SP140L: variants seen among roughly 807,000 people sequenced by gnomAD.
The protein encoded by SP140L is SP140 like nuclear body protein, also known as nuclear body protein SP140-like protein.
SP140L carries 64 observed loss-of-function variants against 84.3 expected under a neutral mutation model. The observed-to-expected ratio is 0.76, with a 90% CI of 0.62 to 0.94. SP140L has a LOEUF of 0.94. Among genes scored for constraint, SP140L ranks in the 40% least tolerant of loss-of-function variants. The pLI is 0.00. For synonymous variants in SP140L, 242 were observed against 236.9 expected, an observed-to-expected ratio of 1.02 and a Z score of -0.20; for missense variants, 628 against 692.5, an observed-to-expected ratio of 0.91 and a Z score of 1.05.
chr2:230,357,992 T>A, intron 3 of SP140L, 25 bp downstream of exon 3: 1 of 1,609,890 alleles, frequency 6.2e-7, no homozygotes. Flanking sequence ...TTTCACAACC[T>A]GGCAGATATG....
At chr2:230,398,854 GGA>G (rs2062179810) in intron 14 of SP140L, among the ~76,000 whole-genome samples, 1 of 152,216 alleles carries the variant, frequency 6.6e-6, no homozygotes, top group South Asian at 2.1e-4. Context: ...GCTTCCAGAG[GGA>G]GAGTGTGATT....
At chr2:230,382,127 T>G (rs2061428262) in intron 7 of SP140L, among the ~76,000 whole-genome samples, 1 of 152,016 alleles carries the variant, frequency 6.6e-6, no homozygotes, top group Non-Finnish European at 1.5e-5. Context: ...GTCCAATCTA[T>G]CCTCTTTGTC....
Position 230,370,905 on chromosome 2 carries a change from C to T in SP140L, c.524-3C>T. 6.2e-7 allele frequency: 1 copy of T among 1,613,238 alleles called. No individual in the cohort carries two copies. The highest frequency in any genetic ancestry group is 8.5e-7 in the Non-Finnish European group (1 of 1,179,528). ...AAGTGTTCCTATGTCATGTGTTTCT[C>T]AGGAGAAGTGCCAGAAAGCCCGGAA... On this transcript the variant is annotated splice_region_variant and splice_polypyrimidine_tract_variant and intron_variant, in intron 5 of 18. Coordinates refer to ENST00000415673, the MANE Select transcript of SP140L (RefSeq NM_138402.6).
At chr2:230,355,212 G>A (rs1222793719) in intron 2 of SP140L, among the ~76,000 whole-genome samples, 1 of 152,026 alleles carries the variant, frequency 6.6e-6, no homozygotes, top group Non-Finnish European at 1.5e-5. Context: ...AAATATAAAG[G>A]AAATCTATAA....
intron 5 of SP140L, among the ~76,000 whole-genome samples, chr2:230,364,151 T>C (rs2060801351): frequency 6.6e-6 from 1 of 152,184 alleles, no homozygotes. Flanking sequence ...TTGGGGTCTC[T>C]TGTGCTTTTA....
intron 7 of SP140L, among the ~76,000 whole-genome samples, chr2:230,377,657 G>T (rs1213387055): frequency 6.6e-6 from 1 of 152,094 alleles, no homozygotes; most frequent in African/African-American, 2.4e-5. Flanking sequence ...TGAATGCCCA[G>T]GAGTGGTGCT....
At chr2:230,378,378 A>G (rs1009281615) in intron 7 of SP140L, among the ~76,000 whole-genome samples, 1 of 152,252 alleles carries the variant, frequency 6.6e-6, no homozygotes, top group Admixed American at 6.5e-5. Context: ...CTCCAGCCAC[A>G]ATGTCCATGT....
chr2:230,369,989 G>A (rs545097249), intron 5 of SP140L, among the ~76,000 whole-genome samples: 33 of 148,042 alleles, frequency 2.2e-4, no homozygotes, highest in Non-Finnish European at 4.1e-4. Flanking sequence ...GGCCAGGCTG[G>A]TCTTGAATTC....
In SP140L at chr2:230,383,596, A is replaced by G. The variant is rs750567118; in HGVS notation, c.703+21A>G. ...AAATGGTAAGCAGGCAAAGTGAAGTAGTTACAGCTTTTGAGTTTATTAAGG... is the reference window on the plus strand; with the variant it reads ...AAATGGTAAGCAGGCAAAGTGAAGTGGTTACAGCTTTTGAGTTTATTAAGG... On this transcript the variant is annotated intron_variant, in intron 8 of 18. Transcript: ENST00000415673. 8.8e-5 allele frequency: 140 copies of G among 1,591,372 alleles called. 2 individuals carry two copies. The highest frequency in any genetic ancestry group is 2.1e-4 in the Admixed American group (12 of 57,010).
chr2:230,359,981 C>CTAAAGTTTGGTATTGGTGCTATACCAAAA, intron 4 of SP140L, among the ~76,000 whole-genome samples: 1 of 147,546 alleles, frequency 6.8e-6, no homozygotes, highest in African/African-American at 2.6e-5. Flanking sequence ...CTATACCAAA[C>CTAAAGTTTGGTATTGGTGCTATACCAAAA]TAAAGTTTTG....
At chr2:230,366,803 G>A (rs1019421540) in intron 5 of SP140L, among the ~76,000 whole-genome samples, 1 of 151,054 alleles carries the variant, frequency 6.6e-6, no homozygotes, top group African/African-American at 2.4e-5. Context: ...GCATGATCTT[G>A]GCTCACTGCA....
intron 2 of SP140L, among the ~76,000 whole-genome samples, chr2:230,343,973 GGTGA>G (rs2060137912): frequency 6.6e-6 from 1 of 152,174 alleles, no homozygotes; most frequent in African/African-American, 2.4e-5. Context: ...AGTGCTGTGT[GGTGA>G]TGGGAAGAAT....
intron 11 of SP140L, among the ~76,000 whole-genome samples, chr2:230,390,279 G>C (rs951266177): frequency 2.0e-5 from 3 of 152,222 alleles, no homozygotes; most frequent in Non-Finnish European, 4.4e-5. Flanking sequence ...TTCACAGATG[G>C]AAAATGTCAG....
intron 2 of SP140L, among the ~76,000 whole-genome samples, chr2:230,352,932 A>T (rs1026564295): frequency 6.6e-6 from 1 of 151,970 alleles, no homozygotes; most frequent in African/African-American, 2.4e-5. Flanking sequence ...TGACTTCACC[A>T]TTCATGTTTA....
Position 230,391,957 on chromosome 2 carries a change from G to A in SP140L, c.965-130G>A, listed in dbSNP as rs1162911132. 8 of 1,317,282 alleles carry A rather than the reference G, an allele frequency of 6.1e-6. No homozygotes were observed. The Admixed American group carries it at 6.5e-5, about 11-fold the overall frequency. 81.6% of individuals were successfully genotyped at this position (1,317,282 alleles called of 1,614,324 possible). On this transcript the variant is annotated intron_variant, in intron 11 of 18. Transcript: ENST00000415673. ...ATTTGGGGCCTCTGAAGTCTGAGAG[G>A]GAAGGCCAGACCCTCCTGCTATTGA...
chr2:230,349,096 G>A (rs2060291080), intron 2 of SP140L, among the ~76,000 whole-genome samples: 2 of 152,168 alleles, frequency 1.3e-5, no homozygotes, highest in South Asian at 2.1e-4. Flanking sequence ...ATTTTTGTGT[G>A]TATCTATGCA....
intron 13 of SP140L, among the ~76,000 whole-genome samples, 185 bp from the exon 14 acceptor site, chr2:230,396,572 A>G (rs1395886953): frequency 2.6e-5 from 4 of 152,226 alleles, no homozygotes; most frequent in Non-Finnish European, 4.4e-5. Flanking sequence ...ATCAGGTTTC[A>G]GTTTGCTTAC....
At chr2:230,392,863 T>C (rs1169370421) in intron 12 of SP140L, among the ~76,000 whole-genome samples, 1 of 152,194 alleles carries the variant, frequency 6.6e-6, no homozygotes, top group African/African-American at 2.4e-5. Flanking sequence ...TTAGCTCAAA[T>C]GTTACCCTCT....
intron 11 of SP140L, 149 bp downstream of exon 11, chr2:230,390,172 T>C (rs1356446815): frequency 1.4e-6 from 1 of 693,450 alleles, no homozygotes; most frequent in African/African-American, 1.8e-5. Context: ...TAAGATGACA[T>C]TTTAAGACTT....
Sources: gnomAD v4.1 joint callset for allele counts (sites outside exome capture counted in the v4.1 genomes callset) on GRCh38, gnomAD v4.1.1 for gene constraint, MANE v1.5 for transcripts, NCBI Gene and HGNC (gene_info 2026-07-23, HGNC 2026-07-21) for gene names.